Variants in TNRC6B observed in about 807,000 individuals in gnomAD.
The protein encoded by TNRC6B is trinucleotide repeat-containing gene 6B protein.
A neutral mutation model predicts 203.6 loss-of-function variants in TNRC6B; 52 were observed. That is an observed-to-expected ratio of 0.26 (90% CI 0.20 to 0.32). The LOEUF (loss-of-function observed/expected upper bound fraction) is 0.32, where lower values mean the gene tolerates loss of function less well. TNRC6B is among the 10% of genes least tolerant of loss of function. The pLI is 1.00. For missense variants in TNRC6B, 1,923 were observed against 2,286.2 expected, an observed-to-expected ratio of 0.84 and a Z score of 3.24; for synonymous variants, 838 against 845.7, an observed-to-expected ratio of 0.99 and a Z score of 0.16.
chr22:40,308,697 G>C (rs1490205330), intron 16 of TNRC6B, 48 bp downstream of exon 16: 2 of 1,559,374 alleles, frequency 1.3e-6, no homozygotes, highest in Admixed American at 2.0e-5. Flanking sequence ...AGCAGGTCTT[G>C]ATGAAACATC....
At chr22:40,184,451 A>G (rs1246811370) in intron 1 of TNRC6B, among the ~76,000 whole-genome samples, 4 of 152,046 alleles carry the variant, frequency 2.6e-5, no homozygotes, top group Admixed American at 1.3e-4. Context: ...AATCTGAGAA[A>G]TGAGAGGTAA....
At chr22:40,132,943 C>CAAAAATAAAAAA (rs1292227314) in intron 3 of TNRC6B, among the ~76,000 whole-genome samples, 1 of 23,878 alleles carries the variant, frequency 4.2e-5, no homozygotes, top group African/African-American at 2.6e-4. Context: ...GACTCTGTCT[C>CAAAAATAAAAAA]AAAAAAAAAA....
At chr22:40,151,570 AAAAC>A (rs965380551) in intron 3 of TNRC6B, among the ~76,000 whole-genome samples, 63 of 138,008 alleles carry the variant, frequency 4.6e-4, no homozygotes, top group Non-Finnish European at 8.6e-4. Flanking sequence ...GAAAAAAACT[AAAAC>A]AAAAACTCTC....
At chr22:40,189,244 G>T (rs2069241946) in intron 1 of TNRC6B, among the ~76,000 whole-genome samples, 1 of 152,162 alleles carries the variant, frequency 6.6e-6, no homozygotes, top group African/African-American at 2.4e-5. Flanking sequence ...ATTGAGAAAT[G>T]AATATGTGTT....
intron 1 of TNRC6B, among the ~76,000 whole-genome samples, chr22:40,202,301 G>T (rs1291745617): frequency 7.1e-6 from 1 of 141,392 alleles, no homozygotes. Flanking sequence ...TTTTGCAAAT[G>T]ACCAACTTTC....
Position 40,335,783 on chromosome 22 carries a change from T to C in TNRC6B, c.*12542T>C, listed in dbSNP as rs1298038450. On this transcript the variant is annotated 3_prime_UTR_variant, in exon 23 of 23. Transcript: ENST00000454349. ...TTCCTGGAAAAAAAAGAAAAAAGACTAATAAATGTGTTTGGCTGCTAAGCA... is the reference window on the plus strand; with the variant it reads ...TTCCTGGAAAAAAAAGAAAAAAGACCAATAAATGTGTTTGGCTGCTAAGCA... 1 of 79,396 alleles carries C rather than the reference T, an allele frequency of 1.3e-5. No individual in the cohort carries two copies. Among genetic ancestry groups the C allele is most frequent in the Non-Finnish European group, 2.7e-5 (1 of 37,290 alleles). The allele number at this position is 79,396 out of a possible 1,614,324, so 4.9% of individuals were successfully genotyped here.
intron 1 of TNRC6B, among the ~76,000 whole-genome samples, chr22:40,205,254 T>C (rs1346002369): frequency 6.6e-6 from 1 of 152,202 alleles, no homozygotes; most frequent in Non-Finnish European, 1.5e-5. Flanking sequence ...TGTAGCATTG[T>C]AGTAAGCAAA....
At chr22:40,117,692 C>T (rs998259261) in intron 2 of TNRC6B, among the ~76,000 whole-genome samples, 1 of 151,954 alleles carries the variant, frequency 6.6e-6, no homozygotes, top group Non-Finnish European at 1.5e-5. Flanking sequence ...TGATGCTTTT[C>T]TCTTTTTAGA....
At chr22:40,280,843 C>A (rs1479703389) in intron 10 of TNRC6B, among the ~76,000 whole-genome samples, 1 of 152,078 alleles carries the variant, frequency 6.6e-6, no homozygotes, top group Non-Finnish European at 1.5e-5. Context: ...ATATTAGATG[C>A]GTAAAAATAA....
chr22:40,181,679 T>G (rs751866053), intron 1 of TNRC6B, among the ~76,000 whole-genome samples: 1 of 152,220 alleles, frequency 6.6e-6, no homozygotes, highest in Non-Finnish European at 1.5e-5. Flanking sequence ...TCGTGGTGGC[T>G]CACGCCTGTG....
intron 4 of TNRC6B, among the ~76,000 whole-genome samples, chr22:40,163,441 A>G (rs1394617552): frequency 1.5e-5 from 2 of 130,436 alleles, no homozygotes; most frequent in Non-Finnish European, 1.6e-5. Context: ...TAGATGACAG[A>G]ATGAGACCCT....
At chr22:40,182,244 CAAA>C (rs902896591) in intron 1 of TNRC6B, among the ~76,000 whole-genome samples, 1 of 135,852 alleles carries the variant, frequency 7.4e-6, no homozygotes, top group Non-Finnish European at 1.6e-5. Flanking sequence ...GACTCCGTCT[CAAA>C]AAAAAAAGAA....
At chr22:40,152,760 C>G (rs374746194) in intron 3 of TNRC6B, among the ~76,000 whole-genome samples, 1 of 151,940 alleles carries the variant, frequency 6.6e-6, no homozygotes, top group Non-Finnish European at 1.5e-5. Flanking sequence ...TGTGAGCCAC[C>G]GTGCCTGGCT....
rs138977392 is a variant in TNRC6B, at chr22:40,250,433, C to T, written c.94-746C>T. Reference sequence around the variant, plus strand: ...CTTCTAGGTTAATCATTTCCATAGACGTATTAGTTACTATATAAAGAAATA... The same window carrying T: ...CTTCTAGGTTAATCATTTCCATAGATGTATTAGTTACTATATAAAGAAATA... On this transcript the variant is annotated intron_variant, in intron 2 of 22. Transcript: ENST00000454349. Among the ~76,000 whole-genome samples, 553 of 152,156 alleles carry T rather than the reference C, an allele frequency of 3.6e-3. 3 individuals carry two copies. Among genetic ancestry groups the T allele is most frequent in the Middle Eastern group, 0.014 (4 of 294 alleles).
rs1314681006 is a variant in TNRC6B, at chr22:40,323,719, ATTG to A, written c.*482_*484del. The A allele has an allele frequency of 1.8e-5, 2 of 109,664 alleles. No homozygotes were observed. The highest frequency in any genetic ancestry group is 2.2e-4 in the Admixed American group (2 of 9,118). The allele number at this position is 109,664 out of a possible 1,614,324, so 6.8% of individuals were successfully genotyped here. ...TTGGGAGGGAGGGAAATTCAAAAGAATTGTTGGGGGAGGGGGGAGGGAAGACTT... is the reference window on the plus strand; with the variant it reads ...TTGGGAGGGAGGGAAATTCAAAAGAATTGGGGGAGGGGGGAGGGAAGACTT... On this transcript the variant is annotated 3_prime_UTR_variant, in exon 23 of 23. Transcript: ENST00000454349.
At chr22:40,271,000 C>T (rs2070555181) in intron 6 of TNRC6B, among the ~76,000 whole-genome samples, 2 of 152,226 alleles carry the variant, frequency 1.3e-5, no homozygotes, top group East Asian at 1.9e-4. Context: ...CTGCACCTTC[C>T]TTTGCCGTTG....
At chr22:40,214,242 G>A (rs543158962) in intron 1 of TNRC6B, among the ~76,000 whole-genome samples, 1 of 152,098 alleles carries the variant, frequency 6.6e-6, no homozygotes, top group East Asian at 1.9e-4. Flanking sequence ...ACTCTGGCCT[G>A]GGGACTAGAG....
chr22:40,321,023 A>G, intron 21 of TNRC6B, 67 bp from the exon 22 acceptor site: 1 of 1,585,812 alleles, frequency 6.3e-7, no homozygotes, highest in South Asian at 1.1e-5. Flanking sequence ...AGTGCTTTGA[A>G]TATCTTAAAA....
intron 1 of TNRC6B, among the ~76,000 whole-genome samples, chr22:40,229,702 G>C (rs1374767196): frequency 6.6e-6 from 1 of 152,004 alleles, no homozygotes; most frequent in East Asian, 1.9e-4. Context: ...TATACAAGTG[G>C]AATTGTTCAG....
Sources: allele counts gnomAD v4.1 joint callset (sites outside exome capture counted in the v4.1 genomes callset), GRCh38; gene constraint gnomAD v4.1.1; transcripts MANE v1.5; gene names NCBI Gene and HGNC (gene_info 2026-07-23, HGNC 2026-07-21).